Variants in CFI observed in about 807,000 individuals in gnomAD.
The protein encoded by CFI is C3B/C4B inactivator.
Under a neutral mutation model 78.8 loss-of-function variants are expected in CFI, and 66 were observed. That is an observed-to-expected ratio of 0.84 (90% CI 0.69 to 1.03). The LOEUF is 1.03. Among genes scored for constraint, CFI ranks in the 50% least tolerant of loss-of-function variants. The pLI, the probability that CFI is intolerant of heterozygous loss-of-function variation, is 0.00. For missense variants in CFI, 706 were observed against 704.5 expected, an observed-to-expected ratio of 1.00 and a Z score of -0.02; for synonymous variants, 250 against 232.6, an observed-to-expected ratio of 1.07 and a Z score of -0.68.
At chr4:109,779,293 T>A (rs1489721234) in intron 1 of CFI, among the ~76,000 whole-genome samples, 1 of 152,132 alleles carries the variant, frequency 6.6e-6, no homozygotes, top group Non-Finnish European at 1.5e-5. Flanking sequence ...AGTCTCAGGA[T>A]ACAAAATCAA....
At chr4:109,776,201 C>T (rs1011250143) in intron 1 of CFI, among the ~76,000 whole-genome samples, 7 of 152,126 alleles carry the variant, frequency 4.6e-5, no homozygotes, top group Admixed American at 1.3e-4. Flanking sequence ...TCGAACCCAT[C>T]GCAAAGAAGC....
At chr4:109,750,143 C>T (rs1203673815) in intron 8 of CFI, among the ~76,000 whole-genome samples, 1 of 151,794 alleles carries the variant, frequency 6.6e-6, no homozygotes, top group Non-Finnish European at 1.5e-5. Flanking sequence ...ATTACAGGCG[C>T]CCACCCCCAC....
chr4:109,773,721 T>G lies in CFI; in HGVS notation c.58-6897A>C, dbSNP rs140855149. On this transcript the variant is annotated intron_variant, in intron 1 of 12. Coordinates refer to ENST00000394634, the MANE Select transcript of CFI (RefSeq NM_000204.5). ...TTTTTCTCATTTTTACTGGGTTGGC[T>G]GTTAAGAGCTGAAATAGGAGACTAT... is the stretch of plus-strand genomic sequence containing the variant. Among the ~76,000 whole-genome samples the G allele has an allele frequency of 5.3e-5, 8 of 152,316 alleles. No homozygotes were observed. In the East Asian group the frequency reaches 1.5e-3, roughly 29 times the overall value.
chr4:109,765,123 A>G (rs1727569989), intron 2 of CFI, among the ~76,000 whole-genome samples: 1 of 152,246 alleles, frequency 6.6e-6, no homozygotes, highest in Non-Finnish European at 1.5e-5. Flanking sequence ...TAATGCCTCA[A>G]GAGAAGAAAA....
chr4:109,765,220 C>T (rs1026987839), intron 2 of CFI, among the ~76,000 whole-genome samples: 4 of 152,196 alleles, frequency 2.6e-5, no homozygotes, highest in African/African-American at 9.7e-5. Flanking sequence ...AGCTTTTCCC[C>T]TCCTTTTCCA....
chr4:109,773,780 C>T (rs961042577), intron 1 of CFI, among the ~76,000 whole-genome samples: 1 of 152,116 alleles, frequency 6.6e-6, no homozygotes, highest in African/African-American at 2.4e-5. Flanking sequence ...TGACTGTGGC[C>T]CCAGACTAGT....
intron 1 of CFI, chr4:109,794,044 G>T (rs1269347973): frequency 6.6e-6 from 1 of 152,158 alleles, no homozygotes; most frequent in Admixed American, 6.5e-5. Context: ...GGAATCTCAT[G>T]ACTATGTTGT....
chr4:109,739,315 G>T (rs114594506), downstream of CFI, among the ~76,000 whole-genome samples: 1,074 of 151,918 alleles, frequency 7.1e-3, 11 homozygotes, highest in African/African-American at 0.025. Flanking sequence ...TTTATTCACT[G>T]AGCAGCCTCT....
rs184624792 is a variant in CFI, at chr4:109,768,431, C to T, written c.58-1607G>A. ...GTTACATGATGCAGGGCAAGTGACCCTCCTGAAACGTGAATTTCCTCATCG... is the reference window on the plus strand; with the variant it reads ...GTTACATGATGCAGGGCAAGTGACCTTCCTGAAACGTGAATTTCCTCATCG... On this transcript the variant is annotated intron_variant, in intron 1 of 12. Coordinates refer to ENST00000394634, the MANE Select transcript of CFI (RefSeq NM_000204.5). Among the ~76,000 whole-genome samples, 11 of 151,868 alleles carry T rather than the reference C, an allele frequency of 7.2e-5. No individual in the cohort carries two copies. The East Asian group carries it at 1.9e-3, about 27-fold the overall frequency.
rs771325547 is a variant in CFI, at chr4:109,766,677, T to C, written c.205A>G (p.Lys69Glu). Reference protein sequence around the residue: ...CVCKLPYQCPKNGTAVCATNR... With the variant: ...CVCKLPYQCPENGTAVCATNR... ...GTTGCACACACTGCAGTGCCATTCT[T>C]TGGGCACTGATACGGTAGTTTACAA... Residue 69 changes from lysine (K) to glutamate (E), a missense_variant, in exon 2 of 13, where the codon AAG becomes GAG. Transcript: ENST00000394634. 4.3e-6 allele frequency: 7 copies of C among 1,614,216 alleles called. No individual in the cohort carries two copies. In the Admixed American group the frequency reaches 8.3e-5, roughly 19 times the overall value.
At chr4:109,781,011 C>T (rs576312126) in intron 1 of CFI, among the ~76,000 whole-genome samples, 13 of 151,946 alleles carry the variant, frequency 8.6e-5, no homozygotes, top group East Asian at 1.9e-4. Flanking sequence ...GTCAGGGGAG[C>T]GGGGAGGGAT....
intron 1 of CFI, chr4:109,794,184 A>G (rs1003202772): frequency 2.0e-5 from 3 of 152,144 alleles, no homozygotes; most frequent in Non-Finnish European, 4.4e-5. Context: ...ATTTGATCAA[A>G]TGTGGAAATT....
rs111403504 is a variant in CFI at position 109,760,759 on chromosome 4, G to C, written c.659-123C>G. The C allele has an allele frequency of 9.9e-6, 7 of 703,882 alleles. No individual in the cohort carries two copies. In the Admixed American group the frequency reaches 1.2e-4, roughly 12 times the overall value. 43.6% of individuals were successfully genotyped at this position (703,882 alleles called of 1,614,324 possible). A position where few individuals can be genotyped will look rare whatever the true frequency, so the allele number is the denominator to read the frequency against. ...TAAACTTCAAAAAAATGTATAAAAC[G>C]TATTGGTATTATCAACATAGTACAT... On this transcript the variant is annotated intron_variant, in intron 4 of 12. Coordinates refer to ENST00000394634, the MANE Select transcript of CFI (RefSeq NM_000204.5).
chr4:109,799,515 A>C (rs1732492342), intron 1 of CFI, among the ~76,000 whole-genome samples: 1 of 152,204 alleles, frequency 6.6e-6, no homozygotes, highest in African/African-American at 2.4e-5. Context: ...TTAGATAGAC[A>C]GATTTATATA....
At chr4:109,770,952 C>G (rs1033228452) in intron 1 of CFI, among the ~76,000 whole-genome samples, 11 of 152,154 alleles carry the variant, frequency 7.2e-5, no homozygotes, top group Non-Finnish European at 1.5e-4. Flanking sequence ...GAACATGTTA[C>G]TGAGGAATCT....
intron 8 of CFI, 45 bp from the exon 9 acceptor site, chr4:109,749,647 T>C (rs1724907440): frequency 1.6e-6 from 2 of 1,246,012 alleles, no homozygotes; most frequent in Non-Finnish European, 2.4e-6. Context: ...TTGAACCCAT[T>C]AGCGTTTTTA....
At chr4:109,771,643 G>T (rs1351999473) in intron 1 of CFI, among the ~76,000 whole-genome samples, 2 of 149,088 alleles carry the variant, frequency 1.3e-5, no homozygotes, top group African/African-American at 5.0e-5. Context: ...GAACCAAGGA[G>T]GTGGAGGTTG....
intron 10 of CFI, among the ~76,000 whole-genome samples, chr4:109,747,868 A>G (rs1052471503): frequency 2.0e-5 from 3 of 152,118 alleles, no homozygotes; most frequent in African/African-American, 7.2e-5. Context: ...TAAGGATTGC[A>G]CAGCCTAGAT....
At chr4:109,761,051 A>G (rs1258139205) in intron 4 of CFI, among the ~76,000 whole-genome samples, 1 of 152,150 alleles carries the variant, frequency 6.6e-6, no homozygotes, top group African/African-American at 2.4e-5. Flanking sequence ...GAGTGGGTAT[A>G]GGTTTGGTCT....
Sources: gnomAD v4.1 joint callset for allele counts (sites outside exome capture counted in the v4.1 genomes callset) on GRCh38, gnomAD v4.1.1 for gene constraint, MANE v1.5 for transcripts, NCBI Gene and HGNC (gene_info 2026-07-23, HGNC 2026-07-21) for gene names.